Variants in N4BP1 observed in about 807,000 individuals in gnomAD.
N4BP1 encodes the protein NEDD4-binding protein 1.
A neutral mutation model predicts 70.9 loss-of-function variants in N4BP1; 21 were observed. The ratio of observed to expected loss-of-function variants is 0.30; its 90% CI spans 0.21 to 0.43. The LOEUF (loss-of-function observed/expected upper bound fraction) is 0.43, where lower values mean the gene tolerates loss of function less well. Among genes scored for constraint, N4BP1 ranks in the 20% least tolerant of loss-of-function variants. N4BP1 has a pLI of 1.00. For synonymous variants in N4BP1, 387 were observed against 394.6 expected, an observed-to-expected ratio of 0.98 and a Z score of 0.23; for missense variants, 936 against 1,069.4, an observed-to-expected ratio of 0.88 and a Z score of 1.74.
At chr16:48,582,936 T>C (rs1597105986) in intron 1 of N4BP1, among the ~76,000 whole-genome samples, 1 of 152,052 alleles carries the variant, frequency 6.6e-6, no homozygotes, top group East Asian at 1.9e-4. Context: ...ATTTAAAAAG[T>C]AGGTGGGCAT....
chr16:48,547,963 A>G (rs779852701), intron 5 of N4BP1, 44 bp downstream of exon 5: 1 of 1,311,000 alleles, frequency 7.6e-7, no homozygotes, highest in South Asian at 1.2e-5. Flanking sequence ...ACAAACAATT[A>G]AAAACAAAAC....
At chr16:48,553,901 G>T (rs1963711633) in intron 2 of N4BP1, among the ~76,000 whole-genome samples, 1 of 152,100 alleles carries the variant, frequency 6.6e-6, no homozygotes, top group South Asian at 2.1e-4. Context: ...AATCTAACTG[G>T]GTGTGTTGTT....
Position 48,546,217 on chromosome 16 carries a change from C to T in N4BP1, c.2263G>A (p.Val755Ile). The part of the protein sequence containing the change: ...QYTFVGDIFM[V>I]PDDPLGRSGP... The stretch of plus-strand genomic sequence containing the variant: ...CTTCTTCCCAGAGGATCATCGGGAA[C>T]CATAAATATGTCCCCCACGAACGTG... Residue 755 changes from valine (V) to isoleucine (I), a missense_variant, in exon 6 of 7, where the codon GTT becomes ATT. Val to Ile is a conservative substitution (Grantham distance 29, BLOSUM62 3). Coordinates refer to ENST00000262384, the MANE Select transcript of N4BP1 (RefSeq NM_153029.4). 7 of 1,612,480 alleles carry T rather than the reference C, an allele frequency of 4.3e-6. No homozygotes were observed. The highest frequency in any genetic ancestry group is 5.9e-6 in the Non-Finnish European group (7 of 1,179,362).
intron 1 of N4BP1, among the ~76,000 whole-genome samples, chr16:48,604,192 G>A (rs1194890379): frequency 6.6e-6 from 1 of 152,186 alleles, no homozygotes; most frequent in Non-Finnish European, 1.5e-5. Context: ...GCTCCCTCTG[G>A]GGATGAACTA....
intron 1 of N4BP1, among the ~76,000 whole-genome samples, chr16:48,576,241 A>G (rs186559709): frequency 1.2e-4 from 19 of 152,326 alleles, no homozygotes; most frequent in Non-Finnish European, 2.4e-4. Context: ...CTAGCCATCT[A>G]TATTAGTAAG....
At chr16:48,600,139 G>A (rs1304535159) in intron 1 of N4BP1, 1 of 436,706 alleles carries the variant, frequency 2.3e-6, no homozygotes, top group African/African-American at 2.1e-5. Flanking sequence ...GCATTTGGTT[G>A]GTGGTGACCC....
intron 1 of N4BP1, among the ~76,000 whole-genome samples, chr16:48,582,026 A>G (rs975378364): frequency 2.6e-5 from 4 of 152,242 alleles, no homozygotes; most frequent in African/African-American, 4.8e-5. Context: ...ACAGAATGAG[A>G]GAAAATATTT....
At chr16:48,606,165 C>T (rs902983991) in intron 1 of N4BP1, among the ~76,000 whole-genome samples, 2 of 152,262 alleles carry the variant, frequency 1.3e-5, no homozygotes, top group African/African-American at 4.8e-5. Flanking sequence ...GTGGCCCCAC[C>T]AGTCAATAGG....
In N4BP1 at chr16:48,602,753, C is replaced by A. The variant is rs368606720; in HGVS notation, c.198+7022G>T. Among the ~76,000 whole-genome samples the A allele has an allele frequency of 1.3e-4, 20 of 151,726 alleles. No homozygotes were observed. The East Asian group carries it at 3.5e-3, about 26-fold the overall frequency. ...ATCAATTGTTCAAGAATTCATGAAA[C>A]CTACCTGGGCAACATGAGGAAACCC... On this transcript the variant is annotated intron_variant, in intron 1 of 6. Transcript: ENST00000262384.
chr16:48,608,108 T>C (rs993951478), intron 1 of N4BP1, among the ~76,000 whole-genome samples: 1 of 152,104 alleles, frequency 6.6e-6, no homozygotes, highest in Admixed American at 6.5e-5. Flanking sequence ...CAGAAAAAAA[T>C]AGGTAAATAA....
At chr16:48,605,552 CCT>C (rs1236938229) in intron 1 of N4BP1, among the ~76,000 whole-genome samples, 4 of 152,170 alleles carry the variant, frequency 2.6e-5, no homozygotes, top group Admixed American at 2.6e-4. Context: ...ACTTCTTTCC[CCT>C]CTCTCTGGGC....
intron 1 of N4BP1, among the ~76,000 whole-genome samples, chr16:48,565,914 T>C (rs1016611087): frequency 6.6e-6 from 1 of 152,198 alleles, no homozygotes; most frequent in African/African-American, 2.4e-5. Flanking sequence ...TTTATGTATG[T>C]AGAGTTGTTT....
intron 1 of N4BP1, chr16:48,603,649 T>C (rs1597116017): frequency 6.6e-6 from 1 of 152,208 alleles, no homozygotes. Flanking sequence ...TATGGAACAC[T>C]TGTAGCTCAC....
At chr16:48,596,501 C>T (rs1964416698) in intron 1 of N4BP1, among the ~76,000 whole-genome samples, 1 of 152,164 alleles carries the variant, frequency 6.6e-6, no homozygotes, top group South Asian at 2.1e-4. Flanking sequence ...ACGGCCCTTT[C>T]CCAACTTCAT....
chr16:48,549,514 A>C (rs1963635485), intron 4 of N4BP1, among the ~76,000 whole-genome samples: 1 of 152,212 alleles, frequency 6.6e-6, no homozygotes, highest in Admixed American at 6.5e-5. Context: ...TGCTGTGTTA[A>C]AGGACCTGAG....
intron 1 of N4BP1, chr16:48,603,637 T>C (rs1477783083): frequency 6.6e-6 from 1 of 152,206 alleles, no homozygotes; most frequent in Non-Finnish European, 1.5e-5. Context: ...TTCTCTAAGA[T>C]GTATGGAACA....
intron 1 of N4BP1, among the ~76,000 whole-genome samples, chr16:48,585,686 G>A (rs1167760211): frequency 2.0e-5 from 3 of 150,732 alleles, no homozygotes; most frequent in East Asian, 3.9e-4. Flanking sequence ...TTACAGGCAT[G>A]TGCCATCATG....
At chr16:48,601,096 T>C (rs899052620) in intron 1 of N4BP1, among the ~76,000 whole-genome samples, 1 of 152,268 alleles carries the variant, frequency 6.6e-6, no homozygotes, top group African/African-American at 2.4e-5. Context: ...GATTTTAGTA[T>C]TTCCTGTTTT....
chr16:48,609,698 G>A (rs1964647778), intron 1 of N4BP1, 77 bp downstream of exon 1: 3 of 1,176,076 alleles, frequency 2.6e-6, no homozygotes, highest in African/African-American at 3.2e-5. Flanking sequence ...GCGGACGGCG[G>A]GGGCGGGGAG....
Sources: gnomAD v4.1 joint callset for allele counts (sites outside exome capture counted in the v4.1 genomes callset) on GRCh38, gnomAD v4.1.1 for gene constraint, MANE v1.5 for transcripts, NCBI Gene and HGNC (gene_info 2026-07-23, HGNC 2026-07-21) for gene names.